Variants in TGFA observed in about 807,000 individuals in gnomAD.
TGFA encodes the protein transforming growth factor alpha, also known as protransforming growth factor alpha.
In TGFA, 12 loss-of-function variants were observed where a neutral mutation model predicts 21.7. That is an observed-to-expected ratio of 0.55 (90% CI 0.35 to 0.90). The LOEUF (loss-of-function observed/expected upper bound fraction) is 0.90, where lower values mean the gene tolerates loss of function less well. Ranked by LOEUF, TGFA falls within the 40% of genes least tolerant of loss-of-function variation. TGFA has a pLI of 0.01. For missense variants in TGFA, 178 were observed against 210.8 expected, an observed-to-expected ratio of 0.84 and a Z score of 0.96; for synonymous variants, 79 against 88.1, an observed-to-expected ratio of 0.90 and a Z score of 0.58.
chr2:70,553,322 C>T, intron 1 of TGFA: 1 of 1,505,104 alleles, frequency 6.6e-7, no homozygotes, highest in Non-Finnish European at 8.8e-7. Context: ...GGTTAGACGC[C>T]GGCCCCCGTT....
chr2:70,529,236 T>C (rs1672737147), intron 1 of TGFA, among the ~76,000 whole-genome samples: 1 of 152,224 alleles, frequency 6.6e-6, no homozygotes, highest in Admixed American at 6.5e-5. Context: ...AATTGTTTCT[T>C]TTCAAGCCAA....
intron 2 of TGFA, among the ~76,000 whole-genome samples, chr2:70,476,393 A>G (rs1483841801): frequency 1.3e-5 from 2 of 152,244 alleles, no homozygotes; most frequent in East Asian, 3.8e-4. Flanking sequence ...ACTGGAGCCC[A>G]GTCCTGCTGG....
intron 2 of TGFA, among the ~76,000 whole-genome samples, chr2:70,485,723 A>G (rs1228011257): frequency 3.3e-5 from 5 of 152,078 alleles, no homozygotes; most frequent in South Asian, 2.1e-4. Flanking sequence ...TTTGCCAAAC[A>G]TGTACTTACT....
At chr2:70,530,439 T>C (rs1249418993) in intron 1 of TGFA, among the ~76,000 whole-genome samples, 2 of 152,202 alleles carry the variant, frequency 1.3e-5, no homozygotes, top group Non-Finnish European at 2.9e-5. Flanking sequence ...TGGGCCACAT[T>C]GGAAGAAGAA....
At chr2:70,538,998 C>T (rs1308380289) in intron 1 of TGFA, among the ~76,000 whole-genome samples, 1 of 152,234 alleles carries the variant, frequency 6.6e-6, no homozygotes, top group Non-Finnish European at 1.5e-5. Flanking sequence ...GCAACCACAA[C>T]CCTGATCAGT....
chr2:70,528,246 C>T (rs1307860211), intron 1 of TGFA, among the ~76,000 whole-genome samples: 2 of 152,132 alleles, frequency 1.3e-5, no homozygotes, highest in African/African-American at 4.8e-5. Context: ...TGAACAATTG[C>T]TCATTAATTG....
intron 1 of TGFA, among the ~76,000 whole-genome samples, chr2:70,532,109 G>A (rs2103906234): frequency 6.6e-6 from 1 of 152,276 alleles, no homozygotes; most frequent in African/African-American, 2.4e-5. Flanking sequence ...AAAGCAAATG[G>A]TTTTTATATA....
chr2:70,522,157 C>A (rs181116135), intron 1 of TGFA, among the ~76,000 whole-genome samples: 1 of 152,174 alleles, frequency 6.6e-6, no homozygotes, highest in Non-Finnish European at 1.5e-5. Context: ...CCTGGCCTAA[C>A]GCACCTACAT....
At chr2:70,551,389 T>G (rs1438252895) in intron 1 of TGFA, among the ~76,000 whole-genome samples, 1 of 152,192 alleles carries the variant, frequency 6.6e-6, no homozygotes, top group African/African-American at 2.4e-5. Context: ...ATTCTCTTAC[T>G]GAAAACATTA....
Position 70,450,221 on chromosome 2 carries a change from A to G in TGFA, c.*638T>C, listed in dbSNP as rs1670011484. On this transcript the variant is annotated 3_prime_UTR_variant, in exon 6 of 6. Coordinates refer to ENST00000295400, the MANE Select transcript of TGFA (RefSeq NM_003236.4). ...CTTTTTACATTGACTTAAGAGATTA[A>G]AAATAAAACCATTATCCATCTAATA... 6.6e-6 allele frequency: 1 copy of G among 152,328 alleles called. No homozygotes were observed. The highest frequency in any genetic ancestry group is 2.1e-4 in the South Asian group (1 of 4,826). The allele number at this position is 152,328 out of a possible 1,614,324, so 9.4% of individuals were successfully genotyped here.
In TGFA at chr2:70,496,510, C is replaced by T. The variant is rs932172760; in HGVS notation, c.94+18349G>A. Among the ~76,000 whole-genome samples the T allele has an allele frequency of 2.0e-5, 3 of 152,304 alleles. No homozygotes were observed. In the East Asian group the frequency reaches 5.8e-4, roughly 29 times the overall value. On this transcript the variant is annotated intron_variant, in intron 2 of 5. Coordinates refer to ENST00000295400, the MANE Select transcript of TGFA (RefSeq NM_003236.4). Reference sequence around the variant, plus strand: ...AAAACTTAATATTGAACCATAACCTCAGACCTGACTCTGGCACAAACCTTT... The same window carrying T: ...AAAACTTAATATTGAACCATAACCTTAGACCTGACTCTGGCACAAACCTTT...
intron 5 of TGFA, among the ~76,000 whole-genome samples, chr2:70,452,475 C>T (rs1373028344): frequency 6.6e-6 from 1 of 152,024 alleles, no homozygotes; most frequent in Non-Finnish European, 1.5e-5. Context: ...GTTTTAAGGT[C>T]ATTAGAGACC....
intron 1 of TGFA, among the ~76,000 whole-genome samples, chr2:70,524,014 G>T (rs1440531179): frequency 6.6e-6 from 1 of 152,148 alleles, no homozygotes; most frequent in Non-Finnish European, 1.5e-5. Flanking sequence ...GAGACCCTTG[G>T]AGGAGGAGCC....
chr2:70,540,713 C>G (rs528847248), intron 1 of TGFA, among the ~76,000 whole-genome samples: 5 of 152,258 alleles, frequency 3.3e-5, no homozygotes, highest in Non-Finnish European at 7.4e-5. Flanking sequence ...AAAAATTACA[C>G]TTTTAGTAAA....
intron 2 of TGFA, among the ~76,000 whole-genome samples, chr2:70,494,493 T>C (rs1228955579): frequency 2.6e-5 from 4 of 152,216 alleles, no homozygotes; most frequent in African/African-American, 9.7e-5. Context: ...AATCCACCCA[T>C]GCTTATTTCC....
At chr2:70,474,689 G>T (rs1559108318) in intron 2 of TGFA, among the ~76,000 whole-genome samples, 2 of 152,220 alleles carry the variant, frequency 1.3e-5, no homozygotes, top group African/African-American at 4.8e-5. Context: ...TCCACTAAGG[G>T]CAGGAACCTC....
At chr2:70,464,667 G>A (rs1490956572) in intron 3 of TGFA, among the ~76,000 whole-genome samples, 1 of 152,150 alleles carries the variant, frequency 6.6e-6, no homozygotes, top group Admixed American at 6.5e-5. Flanking sequence ...CCCCCTAATA[G>A]TATTCTATTA....
chr2:70,542,583 C>T (rs947795999), intron 1 of TGFA, among the ~76,000 whole-genome samples: 1 of 152,172 alleles, frequency 6.6e-6, no homozygotes, highest in Non-Finnish European at 1.5e-5. Flanking sequence ...ATTGGTTGTG[C>T]ACCTAATGGA....
intron 1 of TGFA, among the ~76,000 whole-genome samples, chr2:70,528,685 C>T (rs1489379761): frequency 2.6e-5 from 4 of 152,158 alleles, no homozygotes; most frequent in Non-Finnish European, 4.4e-5. Context: ...GTATCTTAGG[C>T]GCTCTGGCTC....
Sources: gnomAD v4.1 joint callset for allele counts (sites outside exome capture counted in the v4.1 genomes callset) on GRCh38, gnomAD v4.1.1 for gene constraint, MANE v1.5 for transcripts, NCBI Gene and HGNC (gene_info 2026-07-23, HGNC 2026-07-21) for gene names.